Variants in ASCC1 observed in about 807,000 individuals in gnomAD.
The protein encoded by ASCC1 is activating signal cointegrator 1 complex subunit 1.
A neutral mutation model predicts 46.6 loss-of-function variants in ASCC1; 35 were observed. The ratio of observed to expected loss-of-function variants is 0.75; its 90% CI spans 0.57 to 0.99. ASCC1 has a LOEUF of 0.99. Ranked by LOEUF, ASCC1 falls within the 50% of genes least tolerant of loss-of-function variation. ASCC1 has a pLI of 0.00. For missense variants in ASCC1, 376 were observed against 428.7 expected (o/e 0.88, Z 1.09); for synonymous variants, 143 against 146.6 (o/e 0.98, Z 0.18).
At chr10:72,165,835 G>A (rs771489769) in intron 5 of ASCC1, among the ~76,000 whole-genome samples, 8 of 152,282 alleles carry the variant, frequency 5.3e-5, no homozygotes, top group Non-Finnish European at 8.8e-5. Context: ...GGCATGCAAA[G>A]CCCCTCAAAT....
intron 5 of ASCC1, among the ~76,000 whole-genome samples, chr10:72,178,974 C>T (rs1374728872): frequency 3.3e-5 from 5 of 151,852 alleles, no homozygotes; most frequent in East Asian, 1.9e-4. Context: ...AGTCCTGAAC[C>T]AGGACTGAAG....
In ASCC1 at chr10:72,209,806, A is replaced by T. The variant is rs530398509; in HGVS notation, c.212+926T>A. 1.3e-3 allele frequency among the ~76,000 whole-genome samples: 190 copies of T among 151,232 alleles called. 1 individual carries two copies. In the Middle Eastern group the frequency reaches 0.017, roughly 14 times the overall value. ...CTCAAAATAAATAAATAAATTAAAT[A>T]AATTAAATAAAAGGTTATGTGGTTT... On this transcript the variant is annotated intron_variant, in intron 3 of 9. Coordinates refer to ENST00000672957, the MANE Select transcript of ASCC1 (RefSeq NM_001198800.3).
chr10:72,103,099 G>A (rs1467134106), intron 9 of ASCC1: 15 of 326,528 alleles, frequency 4.6e-5, no homozygotes, highest in Non-Finnish European at 6.6e-5. Context: ...ATCTTATTGC[G>A]TCCTCACAAC....
At chr10:72,173,831 G>A (rs1366034891) in intron 5 of ASCC1, among the ~76,000 whole-genome samples, 2 of 152,166 alleles carry the variant, frequency 1.3e-5, no homozygotes, top group African/African-American at 2.4e-5. Context: ...TACTGCAGGG[G>A]TTTAATTACA....
chr10:72,198,392 G>A (rs1355314918), intron 4 of ASCC1: 2 of 233,702 alleles, frequency 8.6e-6, no homozygotes, highest in African/African-American at 1.7e-4. Flanking sequence ...GGAAGGGAAG[G>A]GAAGGGAAGG....
At chr10:72,138,802 G>T (rs1428642615) in intron 7 of ASCC1, among the ~76,000 whole-genome samples, 3 of 151,946 alleles carry the variant, frequency 2.0e-5, no homozygotes, top group Non-Finnish European at 4.4e-5. Flanking sequence ...CTGACCTCAG[G>T]TGATCTGCTG....
intron 5 of ASCC1, among the ~76,000 whole-genome samples, chr10:72,195,787 T>C (rs1642195071): frequency 6.6e-6 from 1 of 150,410 alleles, no homozygotes; most frequent in South Asian, 2.1e-4. Flanking sequence ...TGAGCCAAGA[T>C]CGAGCCATTG....
At chr10:72,113,756 T>G (rs192527219) in intron 9 of ASCC1, among the ~76,000 whole-genome samples, 69 of 152,352 alleles carry the variant, frequency 4.5e-4, no homozygotes, top group African/African-American at 1.6e-3. Flanking sequence ...TTCAGATCCT[T>G]TAAAACATAG....
intron 9 of ASCC1, among the ~76,000 whole-genome samples, chr10:72,122,565 A>G (rs1844337871): frequency 6.6e-6 from 1 of 151,996 alleles, no homozygotes; most frequent in Non-Finnish European, 1.5e-5. Flanking sequence ...TGAGCCCAGG[A>G]GTTAGAGAAC....
intron 5 of ASCC1, among the ~76,000 whole-genome samples, chr10:72,192,424 C>T (rs1463420133): frequency 1.3e-5 from 2 of 150,242 alleles, no homozygotes; most frequent in Admixed American, 1.3e-4. Flanking sequence ...CATAGAACTC[C>T]AGCCTGAGTG....
intron 7 of ASCC1, among the ~76,000 whole-genome samples, chr10:72,137,181 G>C (rs1283070074): frequency 6.6e-6 from 1 of 151,736 alleles, no homozygotes; most frequent in Non-Finnish European, 1.5e-5. Flanking sequence ...CTCCCAAAGT[G>C]CTGGGACGAC....
chr10:72,130,846 T>C (rs887951972), intron 8 of ASCC1, among the ~76,000 whole-genome samples: 11 of 152,210 alleles, frequency 7.2e-5, no homozygotes, highest in African/African-American at 2.7e-4. Context: ...TACAGAATAC[T>C]TCAATCATCA....
At chr10:72,141,280 T>C (rs1027189994) in intron 7 of ASCC1, among the ~76,000 whole-genome samples, 2 of 152,198 alleles carry the variant, frequency 1.3e-5, no homozygotes, top group African/African-American at 4.8e-5. Context: ...CTTTGTAATC[T>C]CTTTTTAACA....
chr10:72,124,349 C>T (rs530080952), intron 9 of ASCC1, among the ~76,000 whole-genome samples: 9 of 152,342 alleles, frequency 5.9e-5, no homozygotes, highest in Admixed American at 5.9e-4. Context: ...TATCCTCTGA[C>T]TTTAGACCTA....
In ASCC1 at chr10:72,152,331, A is replaced by C. The variant is rs530189165; in HGVS notation, c.746+538T>G. ...GGGCGTGAGCCACCATGCCCAGCCA[A>C]AATTAAGATTAATAACCCTATGAAG... On this transcript the variant is annotated intron_variant, in intron 7 of 9. Transcript: ENST00000672957. Among the ~76,000 whole-genome samples, 6 of 152,040 alleles carry C rather than the reference A, an allele frequency of 3.9e-5. No homozygotes were observed. The South Asian group carries it at 1.0e-3, about 26-fold the overall frequency.
At chr10:72,170,593 C>CA (rs1038487604) in intron 5 of ASCC1, among the ~76,000 whole-genome samples, 4,374 of 58,060 alleles carry the variant, frequency 0.075, 249 homozygotes, top group East Asian at 0.2. Flanking sequence ...GACTGTATCT[C>CA]AAAAAAAAAA....
intron 6 of ASCC1, among the ~76,000 whole-genome samples, chr10:72,161,148 C>A (rs1473526307): frequency 6.7e-6 from 1 of 148,652 alleles, no homozygotes; most frequent in Non-Finnish European, 1.5e-5. Context: ...CCTAGAGAAT[C>A]GTGTTATAAT....
At chr10:72,128,748 A>C (rs1845198464) in intron 8 of ASCC1, among the ~76,000 whole-genome samples, 1 of 152,200 alleles carries the variant, frequency 6.6e-6, no homozygotes, top group African/African-American at 2.4e-5. Context: ...GCTGTGCTCT[A>C]GCTTCTTAAG....
chr10:72,169,408 C>G (rs1344092828), intron 5 of ASCC1, among the ~76,000 whole-genome samples: 1 of 151,942 alleles, frequency 6.6e-6, no homozygotes, highest in Non-Finnish European at 1.5e-5. Flanking sequence ...CCACTGCACT[C>G]CAGCCTGAGT....
Sources: allele counts gnomAD v4.1 joint callset (sites outside exome capture counted in the v4.1 genomes callset), GRCh38; gene constraint gnomAD v4.1.1; transcripts MANE v1.5; gene names NCBI Gene and HGNC (gene_info 2026-07-23, HGNC 2026-07-21).